TTC6: variants seen among roughly 807,000 people sequenced by gnomAD.
TTC6 encodes tetratricopeptide repeat protein 6.
In TTC6, 172 loss-of-function variants were observed where a neutral mutation model predicts 210.4. The observed-to-expected ratio is 0.82, with a 90% CI of 0.72 to 0.93. The LOEUF is 0.93. Among genes scored for constraint, TTC6 ranks in the 40% least tolerant of loss-of-function variants. The probability of loss-of-function intolerance (pLI) is 0.00; values close to 1 mark genes in which losing one functional copy is unlikely to be tolerated. For synonymous variants in TTC6, 804 were observed against 819.6 expected (o/e 0.98, Z 0.32); for missense variants, 2,414 against 2,318.1 (o/e 1.04, Z -0.85).
intron 25 of TTC6, among the ~76,000 whole-genome samples, chr14:37,814,273 G>A (rs2096136473): frequency 6.6e-6 from 1 of 152,216 alleles, no homozygotes; most frequent in Admixed American, 6.5e-5. Context: ...GGGCTCCCTT[G>A]CTGCCCCAGG....
At chr14:37,662,730 A>G (rs750612747) in intron 1 of TTC6, among the ~76,000 whole-genome samples, 2 of 151,994 alleles carry the variant, frequency 1.3e-5, no homozygotes, top group Non-Finnish European at 2.9e-5. Flanking sequence ...GTGTGTGGCC[A>G]TATTTCTGGG....
intron 2 of TTC6, among the ~76,000 whole-genome samples, chr14:37,608,286 T>TTTTG (rs2095628693): frequency 6.6e-6 from 1 of 151,094 alleles, no homozygotes; most frequent in South Asian, 2.1e-4. Context: ...CAAGTTTTTT[T>TTTTG]TGTGTGTGTG....
intron 1 of TTC6, among the ~76,000 whole-genome samples, chr14:37,664,465 CTG>C (rs1417700220): frequency 1.3e-5 from 2 of 150,540 alleles, no homozygotes; most frequent in Admixed American, 6.6e-5. Flanking sequence ...AAAATTGAAA[CTG>C]GACCCTTTCC....
chr14:37,720,318 T>G (rs2095859293), intron 6 of TTC6: 1 of 152,152 alleles, frequency 6.6e-6, no homozygotes, highest in Non-Finnish European at 1.5e-5. Flanking sequence ...TTCTGTAAGA[T>G]AAAGTGTCTG....
At chr14:37,736,791 A>G (rs1218553523) in intron 8 of TTC6, among the ~76,000 whole-genome samples, 1 of 152,070 alleles carries the variant, frequency 6.6e-6, no homozygotes, top group Non-Finnish European at 1.5e-5. Flanking sequence ...ATCTCACTCC[A>G]TCTACCAGGC....
At chr14:37,714,600 C>T in intron 5 of TTC6, 55 bp from the exon 8 acceptor site, 1 of 1,455,634 alleles carries the variant, frequency 6.9e-7, no homozygotes, top group African/African-American at 1.4e-5. Context: ...GGGCAAACAC[C>T]TTATACTTTG....
At chr14:37,767,808 G>T (rs2096004062) in intron 14 of TTC6, among the ~76,000 whole-genome samples, 1 of 150,804 alleles carries the variant, frequency 6.6e-6, no homozygotes, top group Non-Finnish European at 1.5e-5. Flanking sequence ...AGTTTAATTA[G>T]ATCCCATTTG....
chr14:37,771,346 G>T (rs1348115465), intron 14 of TTC6, among the ~76,000 whole-genome samples: 1 of 151,602 alleles, frequency 6.6e-6, no homozygotes, highest in Non-Finnish European at 1.5e-5. Context: ...TCTGAACGTT[G>T]GCCTACCTTG....
intron 1 of TTC6, among the ~76,000 whole-genome samples, chr14:37,601,882 C>G (rs1444780861): frequency 6.6e-6 from 1 of 152,160 alleles, no homozygotes; most frequent in African/African-American, 2.4e-5. Context: ...CTTTCAATAG[C>G]AGATATTGAC....
In TTC6 at chr14:37,758,671, T is replaced by A. The variant is rs545635674; in HGVS notation, c.3266+5436T>A. ...ATGTCTGTATCTTTTAATTTGGGCATTTAGTCCATTTACATTTAAGGTTAA... is the reference window on the plus strand; with the variant it reads ...ATGTCTGTATCTTTTAATTTGGGCAATTAGTCCATTTACATTTAAGGTTAA... On this transcript the variant is annotated intron_variant, in intron 14 of 30. Coordinates refer to ENST00000553443, the Ensembl canonical transcript of TTC6. Among the ~76,000 whole-genome samples, 3 of 152,292 alleles carry A rather than the reference T, an allele frequency of 2.0e-5. No individual in the cohort carries two copies. The South Asian group carries it at 6.2e-4, about 32-fold the overall frequency.
intron 6 of TTC6, among the ~76,000 whole-genome samples, chr14:37,716,052 T>C (rs1301818027): frequency 6.6e-6 from 1 of 152,140 alleles, no homozygotes; most frequent in African/African-American, 2.4e-5. Flanking sequence ...TAAGACATAC[T>C]ATAAATGGGA....
At chr14:37,750,314 C>A (rs180769214) in intron 12 of TTC6, among the ~76,000 whole-genome samples, 1 of 152,126 alleles carries the variant, frequency 6.6e-6, no homozygotes, top group South Asian at 2.1e-4. Context: ...ATGTGATATT[C>A]ACCTTTGTAT....
At chr14:37,688,115 G>C (rs2095797342) in intron 3 of TTC6, among the ~76,000 whole-genome samples, 1 of 152,156 alleles carries the variant, frequency 6.6e-6, no homozygotes, top group African/African-American at 2.4e-5. Context: ...CAAGCTGACT[G>C]AAGAGCCCTT....
chr14:37,657,004 G>A (rs1021043359), intron 1 of TTC6, among the ~76,000 whole-genome samples: 9 of 152,028 alleles, frequency 5.9e-5, no homozygotes, highest in African/African-American at 2.2e-4. Context: ...GAGGTCAGGC[G>A]TTCTAGACCA....
chr14:37,624,512 T>C lies in TTC6; in HGVS notation c.939+1509T>C, dbSNP rs562526565. ...TCAGAGCAGGGTCCCATAAGAAAGA[T>C]TGTATTTTGACAGGCTCAAATGGAC... On this transcript the variant is annotated intron_variant, in intron 1 of 30. Coordinates refer to ENST00000553443, the Ensembl canonical transcript of TTC6. 1.1e-4 allele frequency among the ~76,000 whole-genome samples: 16 copies of C among 152,294 alleles called. 1 individual carries two copies. Among genetic ancestry groups the C allele is most frequent in the South Asian group, 2.1e-4 (1 of 4,824 alleles).
At chr14:37,809,389 A>T (rs866137840) in intron 24 of TTC6, among the ~76,000 whole-genome samples, 2 of 151,668 alleles carry the variant, frequency 1.3e-5, no homozygotes, top group African/African-American at 4.8e-5. Context: ...AGTAGCTGGG[A>T]CTACAGGCAC....
intron 13 of TTC6, 131 bp from the exon 16 acceptor site, chr14:37,752,968 A>G: frequency 1.7e-6 from 1 of 601,518 alleles, no homozygotes; most frequent in African/African-American, 1.9e-5. Context: ...AACTCTGAAA[A>G]TTTTGACATC....
intron 6 of TTC6, among the ~76,000 whole-genome samples, chr14:37,723,876 G>A (rs1008653650): frequency 2.6e-5 from 4 of 152,048 alleles, no homozygotes; most frequent in African/African-American, 9.7e-5. Flanking sequence ...GAGAGATCAC[G>A]CATATTTAGG....
At chr14:37,717,102 C>G (rs935848213) in intron 6 of TTC6, among the ~76,000 whole-genome samples, 1 of 151,238 alleles carries the variant, frequency 6.6e-6, no homozygotes, top group African/African-American at 2.4e-5. Flanking sequence ...ATTTCTAGCA[C>G]TAAATGTTTT....
Sources: allele counts gnomAD v4.1 joint callset (sites outside exome capture counted in the v4.1 genomes callset), GRCh38; gene constraint gnomAD v4.1.1; transcripts MANE v1.5; gene names NCBI Gene and HGNC (gene_info 2026-07-23, HGNC 2026-07-21).